DPP10: variants seen among roughly 807,000 people sequenced by gnomAD.
DPP10 encodes the protein dipeptidyl peptidase like 10, also known as inactive dipeptidyl peptidase 10.
Under a neutral mutation model 120.9 loss-of-function variants are expected in DPP10, and 33 were observed. That is an observed-to-expected ratio of 0.27 (90% CI 0.21 to 0.37). The LOEUF is 0.37. Ranked by LOEUF, DPP10 falls within the 10% of genes least tolerant of loss-of-function variation. The pLI is 1.00. For missense variants in DPP10, 816 were observed against 942.8 expected (o/e 0.87, Z 1.76); for synonymous variants, 337 against 326.1 (o/e 1.03, Z -0.36).
chr2:115,413,853 C>T (rs2069147160), intron 3 of DPP10, among the ~76,000 whole-genome samples: 1 of 152,150 alleles, frequency 6.6e-6, no homozygotes, highest in South Asian at 2.1e-4. Context: ...ATTTCAGCTG[C>T]CTGTGTTTGT....
chr2:114,487,992 A>C (rs986266081), intron 1 of DPP10, among the ~76,000 whole-genome samples: 2 of 152,244 alleles, frequency 1.3e-5, no homozygotes, highest in African/African-American at 2.4e-5. Context: ...GAGGTGATTG[A>C]ACAGGTAGAT....
rs557874936 is a variant in DPP10, at chr2:114,912,619, T to C, written c.61-396620T>C. ...TTGAAAAGAAGGCATTGAGAGTGGA[T>C]AGAAAGAGGATACAGACCTGGGGCT... On this transcript the variant is annotated intron_variant, in intron 1 of 25. Coordinates refer to ENST00000410059, the MANE Select transcript of DPP10 (RefSeq NM_020868.6). 2.0e-5 allele frequency among the ~76,000 whole-genome samples: 3 copies of C among 151,698 alleles called. No homozygotes were observed. The East Asian group carries it at 5.9e-4, about 30-fold the overall frequency.
intron 1 of DPP10, among the ~76,000 whole-genome samples, chr2:114,960,365 C>CAT (rs1558925348): frequency 2.4e-4 from 3 of 12,316 alleles, no homozygotes; most frequent in Admixed American, 1.6e-3. Context: ...AGTGTATGTG[C>CAT]GTATATATAT....
At chr2:114,660,118 CAGA>C (rs1697282676) in intron 1 of DPP10, among the ~76,000 whole-genome samples, 1 of 152,068 alleles carries the variant, frequency 6.6e-6, no homozygotes, top group East Asian at 1.9e-4. Context: ...TGGTAGAGCA[CAGA>C]AGAAGCTGGT....
chr2:115,344,104 C>T (rs1336433942), intron 3 of DPP10, among the ~76,000 whole-genome samples, 192 bp downstream of exon 3: 1 of 145,142 alleles, frequency 6.9e-6, no homozygotes, highest in Non-Finnish European at 1.5e-5. Flanking sequence ...CCACTGCACT[C>T]CAACCTGGGT....
chr2:115,389,559 A>G (rs1006282424), intron 3 of DPP10, among the ~76,000 whole-genome samples: 4 of 152,272 alleles, frequency 2.6e-5, no homozygotes, highest in South Asian at 4.2e-4. Context: ...GAACTAAATA[A>G]TAACCTTGTT....
At chr2:114,480,742 G>A (rs1449249040) in intron 1 of DPP10, among the ~76,000 whole-genome samples, 4 of 151,518 alleles carry the variant, frequency 2.6e-5, no homozygotes, top group Admixed American at 2.6e-4. Flanking sequence ...AGCATTGGGA[G>A]ATATACCTAA....
intron 1 of DPP10, among the ~76,000 whole-genome samples, chr2:114,581,408 C>A (rs570537283): frequency 3.1e-4 from 47 of 152,092 alleles, no homozygotes; most frequent in African/African-American, 9.9e-4. Flanking sequence ...TGGTCTCGAC[C>A]TCCTGACCTG....
intron 10 of DPP10, among the ~76,000 whole-genome samples, chr2:115,751,596 T>G (rs1188848441): frequency 3.9e-5 from 6 of 152,156 alleles, no homozygotes; most frequent in Non-Finnish European, 5.9e-5. Context: ...GCCCTTCTAC[T>G]GACATCTTCA....
chr2:115,432,530 A>G (rs985150019), intron 3 of DPP10, among the ~76,000 whole-genome samples: 7 of 151,888 alleles, frequency 4.6e-5, no homozygotes, highest in Non-Finnish European at 2.9e-5. Context: ...TAAAGGGACC[A>G]TTTCCTTCTG....
intron 1 of DPP10, among the ~76,000 whole-genome samples, chr2:114,755,437 G>A (rs1299045980): frequency 1.3e-5 from 2 of 151,946 alleles, no homozygotes; most frequent in African/African-American, 2.4e-5. Flanking sequence ...TGAGACTAAG[G>A]TGTGTGCCAC....
chr2:115,428,318 T>G (rs1161161572), intron 3 of DPP10, among the ~76,000 whole-genome samples: 1 of 152,226 alleles, frequency 6.6e-6, no homozygotes, highest in Non-Finnish European at 1.5e-5. Flanking sequence ...CAATGCCCTA[T>G]GCCTTGGTAC....
Position 114,686,996 on chromosome 2 carries a change from A to T in DPP10, c.60+244158A>T, listed in dbSNP as rs144437910. 2.6e-3 allele frequency among the ~76,000 whole-genome samples: 401 copies of T among 152,142 alleles called. 4 individuals carry two copies. The highest frequency in any genetic ancestry group is 8.6e-3 in the African/African-American group (359 of 41,558). On this transcript the variant is annotated intron_variant, in intron 1 of 25. Transcript: ENST00000410059. ...TCATTACCTTGCAATATATGAACAA[A>T]ATCTATATGTTTAACCACATCTCAG... is the stretch of plus-strand genomic sequence containing the variant.
intron 1 of DPP10, among the ~76,000 whole-genome samples, chr2:115,210,589 G>A (rs1295491463): frequency 1.3e-5 from 2 of 152,044 alleles, no homozygotes; most frequent in African/African-American, 4.8e-5. Context: ...TTGAGGAATC[G>A]CCACACTGTC....
intron 1 of DPP10, among the ~76,000 whole-genome samples, chr2:114,995,443 T>A (rs577786377): frequency 6.6e-6 from 1 of 152,020 alleles, no homozygotes; most frequent in East Asian, 1.9e-4. Flanking sequence ...AAATGAGTGC[T>A]GTATCTTATT....
intron 5 of DPP10, among the ~76,000 whole-genome samples, chr2:115,565,507 T>G (rs2080944946): frequency 6.6e-6 from 1 of 152,162 alleles, no homozygotes; most frequent in African/African-American, 2.4e-5. Context: ...GAGGTCATAT[T>G]CATATTTTGC....
intron 4 of DPP10, among the ~76,000 whole-genome samples, chr2:115,517,760 G>A (rs1558787141): frequency 6.6e-6 from 1 of 152,160 alleles, no homozygotes; most frequent in Admixed American, 6.5e-5. Context: ...AAAATGATAA[G>A]GATAGAGTAG....
At chr2:114,934,434 C>A (rs1696308777) in intron 1 of DPP10, among the ~76,000 whole-genome samples, 1 of 152,130 alleles carries the variant, frequency 6.6e-6, no homozygotes, top group African/African-American at 2.4e-5. Context: ...AATATTCTTA[C>A]TACACATTAA....
intron 1 of DPP10, among the ~76,000 whole-genome samples, chr2:115,067,397 G>A (rs1156836365): frequency 8.6e-5 from 13 of 151,184 alleles, no homozygotes; most frequent in Admixed American, 2.0e-4. Context: ...GACTACAGGC[G>A]CCCGCCACCA....
Sources: allele counts gnomAD v4.1 joint callset (sites outside exome capture counted in the v4.1 genomes callset), GRCh38; gene constraint gnomAD v4.1.1; transcripts MANE v1.5; gene names NCBI Gene and HGNC (gene_info 2026-07-23, HGNC 2026-07-21).